AGAP1: variants seen among roughly 807,000 people sequenced by gnomAD.
AGAP1 encodes the protein ArfGAP with GTPase domain, ankyrin repeat and PH domain 1.
In AGAP1, 29 loss-of-function variants were observed where a neutral mutation model predicts 105.3. The observed-to-expected ratio is 0.28, with a 90% CI of 0.21 to 0.38. The LOEUF is 0.38. AGAP1 is among the 10% of genes least tolerant of loss of function. The pLI, the probability that AGAP1 is intolerant of heterozygous loss-of-function variation, is 1.00. For missense variants in AGAP1, 998 were observed against 1,165.1 expected, an observed-to-expected ratio of 0.86 and a Z score of 2.09; for synonymous variants, 509 against 485.9, an observed-to-expected ratio of 1.05 and a Z score of -0.63.
intron 1 of AGAP1, among the ~76,000 whole-genome samples, chr2:235,587,447 C>T (rs1945152069): frequency 1.3e-5 from 2 of 152,134 alleles, no homozygotes; most frequent in African/African-American, 2.4e-5. Flanking sequence ...GGAAATGCAT[C>T]ATTTTGTTTA....
chr2:235,907,935 AG>A (rs1193530096), intron 10 of AGAP1, among the ~76,000 whole-genome samples: 1 of 152,186 alleles, frequency 6.6e-6, no homozygotes, highest in Non-Finnish European at 1.5e-5. Context: ...GTTTGCAGAC[AG>A]GGAGTCTCAT....
At position 235,891,472 on chromosome 2, in the gene AGAP1, T is replaced by G. The variant is rs1198307620; in HGVS notation, c.1155+8023T>G. The stretch of plus-strand genomic sequence containing the variant: ...GCAGCCTGTTCTAAGACCCTGAGAG[T>G]CCCTTTCTGTGGACTTAAATGTGAG... On this transcript the variant is annotated intron_variant, in intron 10 of 17. Coordinates refer to ENST00000304032, the MANE Select transcript of AGAP1 (RefSeq NM_001037131.3). The surrounding 1 kb of genome is among the most constrained non-coding windows in gnomAD (Gnocchi z 4.2). Among the ~76,000 whole-genome samples, 1 of 151,876 alleles carries G rather than the reference T, an allele frequency of 6.6e-6. No homozygotes were observed. The highest frequency in any genetic ancestry group is 1.5e-5 in the Non-Finnish European group (1 of 67,980).
chr2:236,024,711 G>A (rs529276096), intron 13 of AGAP1, among the ~76,000 whole-genome samples: 203 of 152,376 alleles, frequency 1.3e-3, no homozygotes, highest in Non-Finnish European at 2.1e-3. Flanking sequence ...AAATCAGTCT[G>A]ATGGCTGAGT....
chr2:235,541,908 C>T (rs1240824073), intron 1 of AGAP1, among the ~76,000 whole-genome samples: 1 of 152,150 alleles, frequency 6.6e-6, no homozygotes, highest in East Asian at 1.9e-4. Context: ...ATAGTTCATC[C>T]ATTTTCACTG....
At chr2:235,546,158 A>G (rs961954872) in intron 1 of AGAP1, among the ~76,000 whole-genome samples, 2 of 152,188 alleles carry the variant, frequency 1.3e-5, no homozygotes, top group African/African-American at 2.4e-5. Flanking sequence ...GGCCACACCA[A>G]TCTGGGCTGT....
intron 1 of AGAP1, among the ~76,000 whole-genome samples, chr2:235,588,750 A>T (rs959074763): frequency 8.5e-5 from 13 of 152,270 alleles, no homozygotes; most frequent in Admixed American, 7.9e-4. Flanking sequence ...TAAATTATAG[A>T]TCAAGAATAT....
At chr2:235,884,918 G>A (rs1400232835) in intron 10 of AGAP1, among the ~76,000 whole-genome samples, 2 of 151,994 alleles carry the variant, frequency 1.3e-5, no homozygotes, top group Non-Finnish European at 2.9e-5. Flanking sequence ...TCCCTCTGTT[G>A]CCCAGGCTAG....
At chr2:235,822,857 G>C (rs908101945) in intron 9 of AGAP1, among the ~76,000 whole-genome samples, 1 of 152,198 alleles carries the variant, frequency 6.6e-6, no homozygotes, top group African/African-American at 2.4e-5. Context: ...ACCCCGACGG[G>C]TGGGCATGCG....
In AGAP1 at chr2:235,919,157, C is replaced by G. The variant is rs540121689; in HGVS notation, c.1324+10251C>G. 1.3e-5 allele frequency among the ~76,000 whole-genome samples: 2 copies of G among 152,044 alleles called. No homozygotes were observed. The highest frequency in any genetic ancestry group is 4.8e-5 in the African/African-American group (2 of 41,396). ...TGCCCGGAAGAGCCTCTGTGAATTA[C>G]CCGCGCCCCCTCCACCAGGGAGCCA... On this transcript the variant is annotated intron_variant, in intron 11 of 17. Transcript: ENST00000304032. The surrounding 1 kb of genome is among the most constrained non-coding windows in gnomAD (Gnocchi z 4.1).
In AGAP1 at chr2:236,092,539, G is replaced by A. The variant is rs2059089394; in HGVS notation, c.2115-27653G>A. On this transcript the variant is annotated intron_variant, in intron 16 of 17. Coordinates refer to ENST00000304032, the MANE Select transcript of AGAP1 (RefSeq NM_001037131.3). The surrounding 1 kb of genome is among the most constrained non-coding windows in gnomAD (Gnocchi z 4.7). ...TCCCGAGTAAGCTGGGATTACAGGT[G>A]TCCGCCACCGTGCCCAGCTAATTTT... is the stretch of plus-strand genomic sequence containing the variant. Among the ~76,000 whole-genome samples the A allele has an allele frequency of 6.6e-6, 1 of 152,050 alleles. No individual in the cohort carries two copies. The highest frequency in any genetic ancestry group is 1.5e-5 in the Non-Finnish European group (1 of 68,008).
chr2:235,860,846 G>A (rs753448063), intron 9 of AGAP1, among the ~76,000 whole-genome samples: 19 of 152,160 alleles, frequency 1.2e-4, no homozygotes, highest in Non-Finnish European at 2.5e-4. Flanking sequence ...TACCAAGACT[G>A]CATTATTTGC....
intron 6 of AGAP1, chr2:235,774,188 ATTTC>A (rs1343670658): frequency 5.2e-6 from 2 of 381,056 alleles, no homozygotes; most frequent in African/African-American, 4.3e-5. Flanking sequence ...TATTATAGAC[ATTTC>A]TTCTGTAAAG....
At chr2:235,923,027 A>G (rs1363886330) in intron 11 of AGAP1, among the ~76,000 whole-genome samples, 1 of 152,222 alleles carries the variant, frequency 6.6e-6, no homozygotes, top group African/African-American at 2.4e-5. Flanking sequence ...CGCAGCGAGG[A>G]CATGGATTAG....
intron 1 of AGAP1, among the ~76,000 whole-genome samples, chr2:235,516,070 G>GCTC (rs1553556314): frequency 7.1e-6 from 1 of 141,734 alleles, no homozygotes; most frequent in Admixed American, 7.1e-5. Flanking sequence ...TGCTGCTGCT[G>GCTC]CTGCTGCTGC....
In AGAP1 at chr2:235,622,054, T is replaced by G. The variant is rs1444317708; in HGVS notation, c.164-87125T>G. On this transcript the variant is annotated intron_variant, in intron 1 of 17. Transcript: ENST00000304032. This position sits in a 1 kb window ranked among gnomAD's most constrained non-coding sequence, Gnocchi z 5.0. ...TGCTACTGTCCAACCTAAGCTCATA[T>G]TCAACACTTTAGAATGCCTTAATCT... is the stretch of plus-strand genomic sequence containing the variant. Among the ~76,000 whole-genome samples the G allele has an allele frequency of 6.6e-6, 1 of 152,262 alleles. No individual in the cohort carries two copies. Among genetic ancestry groups the G allele is most frequent in the Non-Finnish European group, 1.5e-5 (1 of 68,048 alleles).
chr2:235,601,989 C>T lies in AGAP1; in HGVS notation c.163+107140C>T, dbSNP rs905153419. ...GACCCCTAAAACCCAAGTCCAATCA[C>T]ATTACTCCTGGGCCTCACACCTGCA... On this transcript the variant is annotated intron_variant, in intron 1 of 17. Coordinates refer to ENST00000304032, the MANE Select transcript of AGAP1 (RefSeq NM_001037131.3). The surrounding 1 kb of genome is among the most constrained non-coding windows in gnomAD (Gnocchi z 4.4). 5.3e-5 allele frequency among the ~76,000 whole-genome samples: 8 copies of T among 152,182 alleles called. No individual in the cohort carries two copies. Among genetic ancestry groups the T allele is most frequent in the African/African-American group, 1.9e-4 (8 of 41,456 alleles).
At chr2:235,854,865 G>A (rs1032762776) in intron 9 of AGAP1, among the ~76,000 whole-genome samples, 1 of 152,100 alleles carries the variant, frequency 6.6e-6, no homozygotes, top group African/African-American at 2.4e-5. Flanking sequence ...CTTAGTTTTG[G>A]AGTCTGCATC....
rs184510975 is a variant in AGAP1, at chr2:236,015,115, C to T, written c.1646-21446C>T. ...TTAAATTTTGACCTTTCCCTTCAGT[C>T]GTAGAGTAGTGATGTTTAAATTACT... is the stretch of plus-strand genomic sequence containing the variant. On this transcript the variant is annotated intron_variant, in intron 13 of 17. Coordinates refer to ENST00000304032, the MANE Select transcript of AGAP1 (RefSeq NM_001037131.3). Among the ~76,000 whole-genome samples, 163 of 152,276 alleles carry T rather than the reference C, an allele frequency of 1.1e-3. 2 individuals are homozygous for T. The highest frequency in any genetic ancestry group is 3.8e-3 in the African/African-American group (158 of 41,552).
intron 10 of AGAP1, among the ~76,000 whole-genome samples, chr2:235,884,837 G>C (rs2050194227): frequency 6.6e-6 from 1 of 150,688 alleles, no homozygotes; most frequent in Admixed American, 6.6e-5. Context: ...TTATATCACT[G>C]TGTCAGGCTA....
Sources: gnomAD v4.1 joint callset for allele counts (sites outside exome capture counted in the v4.1 genomes callset) on GRCh38, gnomAD v4.1.1 for gene constraint, Gnocchi (gnomAD v3.1) non-coding constraint, MANE v1.5 for transcripts, NCBI Gene and HGNC (gene_info 2026-07-23, HGNC 2026-07-21) for gene names.